NRXN3: variants seen among roughly 807,000 people sequenced by gnomAD.
NRXN3 encodes neurexin 3.
NRXN3 carries 32 observed loss-of-function variants against 137.6 expected under a neutral mutation model. The observed-to-expected ratio is 0.23, with a 90% CI of 0.18 to 0.31. NRXN3 has a LOEUF of 0.31. Ranked by LOEUF, NRXN3 falls within the 10% of genes least tolerant of loss-of-function variation. NRXN3 has a pLI of 1.00. For synonymous variants in NRXN3, 798 were observed against 784.5 expected, an observed-to-expected ratio of 1.02 and a Z score of -0.29; for missense variants, 1,574 against 2,062.5, an observed-to-expected ratio of 0.76 and a Z score of 4.59.
rs181522772 is a variant in NRXN3, at chr14:79,288,572, T to C, written c.3263-178649T>C. ...TAAAAACATTGAGACTCAGAGAGGT[T>C]AAGTGGCTTGATTAACATGGTGTTA... On this transcript the variant is annotated intron_variant, in intron 15 of 20. Transcript: ENST00000335750. 5.9e-5 allele frequency among the ~76,000 whole-genome samples: 9 copies of C among 152,306 alleles called. No individual in the cohort carries two copies. In the South Asian group the frequency reaches 1.0e-3, roughly 18 times the overall value.
rs183205680 is a variant in NRXN3 at position 78,339,795 on chromosome 14, T to C, written c.757+41935T>C. ...CCAGGGACTTTCTTAAAGAGGATTC[T>C]AAGATTTTCTGGAATTCCTGAAGAA... On this transcript the variant is annotated intron_variant, in intron 4 of 20. Transcript: ENST00000335750. Among the ~76,000 whole-genome samples, 4 of 152,272 alleles carry C rather than the reference T, an allele frequency of 2.6e-5. No individual in the cohort carries two copies. The East Asian group carries it at 5.8e-4, about 22-fold the overall frequency.
At chr14:78,716,748 G>T (rs10148134) in intron 8 of NRXN3, among the ~76,000 whole-genome samples, 84,234 of 152,024 alleles carry the variant, frequency 0.55, 27,079 homozygotes, top group Non-Finnish European at 0.7. Context: ...TATTTCAAGA[G>T]AACTACAAAC....
At chr14:78,881,231 A>C (rs2099128369) in intron 10 of NRXN3, among the ~76,000 whole-genome samples, 2 of 151,690 alleles carry the variant, frequency 1.3e-5, no homozygotes, top group South Asian at 4.1e-4. Context: ...CAGGCTGAGA[A>C]TGGACTAATA....
At chr14:79,521,586 AC>A (rs1364493895) in intron 16 of NRXN3, among the ~76,000 whole-genome samples, 8 of 152,280 alleles carry the variant, frequency 5.3e-5, no homozygotes, top group East Asian at 3.9e-4. Flanking sequence ...ACAGAAAAAA[AC>A]ATGCATGTAT....
intron 20 of NRXN3, among the ~76,000 whole-genome samples, chr14:79,827,507 C>T (rs1026238969): frequency 6.6e-6 from 1 of 151,856 alleles, no homozygotes. Flanking sequence ...AAAGAAATAC[C>T]CGAGACTGGG....
intron 15 of NRXN3, among the ~76,000 whole-genome samples, chr14:79,411,404 G>A (rs1368311657): frequency 6.6e-6 from 1 of 152,018 alleles, no homozygotes; most frequent in African/African-American, 2.4e-5. Context: ...TACATGTAGT[G>A]TTTCTATTTA....
rs377727079 is a variant in NRXN3 at position 79,566,041 on chromosome 14, T to A, written c.3445-97737T>A. Among the ~76,000 whole-genome samples the A allele has an allele frequency of 1.6e-3, 239 of 152,210 alleles. 4 individuals are homozygous for A. In the East Asian group the frequency reaches 0.017, roughly 11 times the overall value. On this transcript the variant is annotated intron_variant, in intron 16 of 20. Transcript: ENST00000335750. ...CTTCAAGTTTATTCTAATCTTTTTCTGGGGGGCAGGAGACAGTCGGAGGGG... is the reference window on the plus strand; with the variant it reads ...CTTCAAGTTTATTCTAATCTTTTTCAGGGGGGCAGGAGACAGTCGGAGGGG...
intron 17 of NRXN3, among the ~76,000 whole-genome samples, chr14:79,685,272 A>T (rs114717280): frequency 0.016 from 2,446 of 152,198 alleles, 72 homozygotes; most frequent in African/African-American, 0.055. Flanking sequence ...TGCAATTATT[A>T]TTACGATCCC....
At chr14:78,384,861 C>T (rs2089703032) in intron 4 of NRXN3, among the ~76,000 whole-genome samples, 3 of 152,116 alleles carry the variant, frequency 2.0e-5, no homozygotes, top group South Asian at 2.1e-4. Flanking sequence ...TCGTTTTATC[C>T]GTATGTATTT....
intron 15 of NRXN3, chr14:79,279,394 G>A (rs1434671102): frequency 1.0e-6 from 1 of 986,344 alleles, no homozygotes. Flanking sequence ...CACTTCACCT[G>A]TGCCTCCCTG....
At chr14:78,258,946 C>T (rs879728321) in intron 2 of NRXN3, among the ~76,000 whole-genome samples, 4 of 152,054 alleles carry the variant, frequency 2.6e-5, no homozygotes, top group Non-Finnish European at 4.4e-5. Context: ...GCCTGGCCAA[C>T]ATAGTGAAAC....
chr14:79,131,401 GGACCCTCAGCTGCA>G (rs1274803465), intron 15 of NRXN3, among the ~76,000 whole-genome samples: 4 of 152,070 alleles, frequency 2.6e-5, no homozygotes, highest in Non-Finnish European at 5.9e-5. Context: ...CTAACAGACA[GGACCCTCAGCTGCA>G]GGTCTGTTGG....
chr14:78,428,638 T>C (rs1156764768), intron 4 of NRXN3, among the ~76,000 whole-genome samples: 1 of 152,060 alleles, frequency 6.6e-6, no homozygotes, highest in African/African-American at 2.4e-5. Flanking sequence ...AGTCCCAAGC[T>C]CTACAGGGTG....
chr14:78,478,143 G>A (rs985506055), intron 4 of NRXN3, among the ~76,000 whole-genome samples: 4 of 152,118 alleles, frequency 2.6e-5, no homozygotes, highest in Non-Finnish European at 5.9e-5. Context: ...ATAGTCAAAC[G>A]TTTCTGCTCT....
intron 16 of NRXN3, among the ~76,000 whole-genome samples, chr14:79,620,535 T>C (rs2098212450): frequency 6.6e-6 from 1 of 152,142 alleles, no homozygotes; most frequent in South Asian, 2.1e-4. Flanking sequence ...AATAAAAAGA[T>C]GACGACATTT....
At chr14:79,063,662 A>C (rs1160614860) in intron 15 of NRXN3, among the ~76,000 whole-genome samples, 1 of 152,186 alleles carries the variant, frequency 6.6e-6, no homozygotes. Context: ...TATGGTGACG[A>C]AGCGATGTGC....
At chr14:78,425,973 T>C (rs2093649450) in intron 4 of NRXN3, among the ~76,000 whole-genome samples, 1 of 152,106 alleles carries the variant, frequency 6.6e-6, no homozygotes, top group Admixed American at 6.5e-5. Flanking sequence ...GATCCAGAAG[T>C]GGCACTTCCT....
At chr14:78,830,968 G>A (rs145046766) in intron 10 of NRXN3, among the ~76,000 whole-genome samples, 7 of 152,004 alleles carry the variant, frequency 4.6e-5, no homozygotes, top group Admixed American at 1.3e-4. Context: ...ATATTCTTAC[G>A]ATCAGAAATT....
intron 10 of NRXN3, among the ~76,000 whole-genome samples, chr14:78,838,551 A>G (rs1372208263): frequency 6.6e-6 from 1 of 152,160 alleles, no homozygotes; most frequent in Non-Finnish European, 1.5e-5. Context: ...GGTTTGTACT[A>G]TTCTTTCCAT....
Sources: gnomAD v4.1 joint callset for allele counts (sites outside exome capture counted in the v4.1 genomes callset) on GRCh38, gnomAD v4.1.1 for gene constraint, MANE v1.5 for transcripts, NCBI Gene and HGNC (gene_info 2026-07-23, HGNC 2026-07-21) for gene names.